AP5M1: variants seen among roughly 807,000 people sequenced by gnomAD.
AP5M1 encodes the protein AP-5 complex subunit mu-1.
A neutral mutation model predicts 52.3 loss-of-function variants in AP5M1; 44 were observed. The observed-to-expected ratio is 0.84, with a 90% CI of 0.66 to 1.08. The LOEUF (loss-of-function observed/expected upper bound fraction) is 1.08, where lower values mean the gene tolerates loss of function less well. AP5M1 is among the 50% of genes least tolerant of loss of function. The pLI is 0.00. For synonymous variants in AP5M1, 213 were observed against 199.0 expected (o/e 1.07, Z -0.59); for missense variants, 526 against 568.4 (o/e 0.93, Z 0.76).
At chr14:57,273,743 A>G (rs1313329749) in intron 1 of AP5M1, 2 of 702,026 alleles carry the variant, frequency 2.8e-6, no homozygotes, top group Non-Finnish European at 5.2e-6. Flanking sequence ...CCTGTCATTC[A>G]CTATAAGTTA....
chr14:57,272,477 A>G (rs1293889951), intron 1 of AP5M1, among the ~76,000 whole-genome samples: 1 of 152,222 alleles, frequency 6.6e-6, no homozygotes, highest in Non-Finnish European at 1.5e-5. Context: ...TTAGGTCGGT[A>G]TCATACCCCA....
rs1885405938 is a variant in AP5M1 at position 57,290,101 on chromosome 14, G to A, written c.*1217G>A. On this transcript the variant is annotated 3_prime_UTR_variant, in exon 8 of 8. Transcript: ENST00000261558. ...TATATCTTGGGTTCTGTTTTTTAATGAGTGTTCTAAGGAAAAGCTTAGAAA... is the reference window on the plus strand; with the variant it reads ...TATATCTTGGGTTCTGTTTTTTAATAAGTGTTCTAAGGAAAAGCTTAGAAA... The A allele has an allele frequency of 1.3e-5, 2 of 151,828 alleles. No individual in the cohort carries two copies. Among genetic ancestry groups the A allele is most frequent in the Admixed American group, 1.3e-4 (2 of 15,196 alleles). 9.4% of individuals were successfully genotyped at this position (151,828 alleles called of 1,614,324 possible). A position where few individuals can be genotyped will look rare whatever the true frequency, so the allele number is the denominator to read the frequency against.
chr14:57,283,622 T>A (rs1002031419), intron 6 of AP5M1, among the ~76,000 whole-genome samples: 5 of 152,258 alleles, frequency 3.3e-5, no homozygotes, highest in East Asian at 1.9e-4. Flanking sequence ...GTTTGTTTGT[T>A]TGTTTTTAAA....
intron 6 of AP5M1, among the ~76,000 whole-genome samples, chr14:57,285,635 G>A (rs949186501): frequency 6.6e-6 from 1 of 152,102 alleles, no homozygotes; most frequent in Non-Finnish European, 1.5e-5. Context: ...CACCCTTCTG[G>A]AAAATTAGCG....
chr14:57,269,492 G>C, intron 1 of AP5M1, 104 bp downstream of exon 1: 1 of 1,106,098 alleles, frequency 9.0e-7, no homozygotes. Flanking sequence ...ATAGCTGCGT[G>C]ACCTTGGGCT....
At position 57,294,403 on chromosome 14, in the gene AP5M1, C is replaced by T. The variant is rs1199701473; in HGVS notation, c.*5519C>T. 1 of 151,664 alleles carries T rather than the reference C, an allele frequency of 6.6e-6. No individual in the cohort carries two copies. The highest frequency in any genetic ancestry group is 1.5e-5 in the Non-Finnish European group (1 of 67,768). 9.4% of individuals were successfully genotyped at this position (151,664 alleles called of 1,614,324 possible). A position where few individuals can be genotyped will look rare whatever the true frequency, so the allele number is the denominator to read the frequency against. ...ATTAGTTATTCCTCTTAAATTTTTA[C>T]TTTTTCCTTCAAAGGACTTGGGTGC... is the stretch of plus-strand genomic sequence containing the variant. On this transcript the variant is annotated 3_prime_UTR_variant, in exon 8 of 8. Coordinates refer to ENST00000261558, the MANE Select transcript of AP5M1 (RefSeq NM_018229.4).
At chr14:57,278,744 G>A (rs1415406366) in intron 2 of AP5M1, 2 of 152,190 alleles carry the variant, frequency 1.3e-5, no homozygotes, top group Non-Finnish European at 1.5e-5. Flanking sequence ...AGGTGCATTT[G>A]GAGGTATAAG....
intron 2 of AP5M1, among the ~76,000 whole-genome samples, chr14:57,276,643 CAG>C (rs1005783124): frequency 4.6e-5 from 6 of 129,314 alleles, no homozygotes; most frequent in East Asian, 2.3e-4. Flanking sequence ...TAGCAATAAA[CAG>C]GGAATATGTT....
At chr14:57,272,083 T>C (rs1566512909) in intron 1 of AP5M1, among the ~76,000 whole-genome samples, 3 of 152,234 alleles carry the variant, frequency 2.0e-5, no homozygotes, top group African/African-American at 7.2e-5. Context: ...AGTAAATAAG[T>C]TTCTTAAATC....
chr14:57,281,327 T>C (rs546609629), intron 3 of AP5M1, among the ~76,000 whole-genome samples: 16 of 152,244 alleles, frequency 1.1e-4, no homozygotes, highest in Non-Finnish European at 8.8e-5. Flanking sequence ...CTATACCATT[T>C]ATCTCTTGTC....
chr14:57,295,503 A>G lies in AP5M1; in HGVS notation c.*6619A>G, dbSNP rs1192750819. The G allele has an allele frequency of 6.6e-6, 1 of 151,966 alleles. No individual in the cohort carries two copies. 9.4% of individuals were successfully genotyped at this position (151,966 alleles called of 1,614,324 possible). ...ACATTGTGTTTATTGAAGTGTTGAA[A>G]GAATATTTGTTGCATCTTCAAGCAA... On this transcript the variant is annotated 3_prime_UTR_variant, in exon 8 of 8. Coordinates refer to ENST00000261558, the MANE Select transcript of AP5M1 (RefSeq NM_018229.4).
chr14:57,288,956 T>C lies in AP5M1; in HGVS notation c.*72T>C. 1 of 885,390 alleles carries C rather than the reference T, an allele frequency of 1.1e-6. No individual in the cohort carries two copies. 54.8% of individuals were successfully genotyped at this position (885,390 alleles called of 1,614,324 possible). A position where few individuals can be genotyped will look rare whatever the true frequency, so the allele number is the denominator to read the frequency against. On this transcript the variant is annotated 3_prime_UTR_variant, in exon 8 of 8. Coordinates refer to ENST00000261558, the MANE Select transcript of AP5M1 (RefSeq NM_018229.4). ...AAATCATAATCTTATATTTTTAATG[T>C]GGATGCATATAACCTGTGAGTGAAA... is the stretch of plus-strand genomic sequence containing the variant.
intron 4 of AP5M1, 139 bp downstream of exon 4, chr14:57,282,367 A>T: frequency 1.7e-6 from 1 of 587,052 alleles, no homozygotes. Context: ...GCTGATTTTC[A>T]TGATATAGTC....
At chr14:57,274,969 A>G in intron 2 of AP5M1, 80 bp downstream of exon 2, 2 of 1,509,116 alleles carry the variant, frequency 1.3e-6, no homozygotes, top group Non-Finnish European at 1.8e-6. Context: ...TGTATTTTAA[A>G]TAACATTTTT....
chr14:57,278,584 T>C (rs978167454), intron 2 of AP5M1: 1 of 152,232 alleles, frequency 6.6e-6, no homozygotes, highest in Non-Finnish European at 1.5e-5. Context: ...GGGAAGAAGA[T>C]CCTGGGCTTC....
intron 1 of AP5M1, chr14:57,271,040 C>A (rs1444811921): frequency 6.6e-6 from 1 of 152,202 alleles, no homozygotes; most frequent in African/African-American, 2.4e-5. Flanking sequence ...AACTGAGGAA[C>A]TCAATTGTTA....
chr14:57,276,783 A>C (rs977675079), intron 2 of AP5M1, among the ~76,000 whole-genome samples: 1 of 152,184 alleles, frequency 6.6e-6, no homozygotes, highest in Non-Finnish European at 1.5e-5. Flanking sequence ...GATTATCATG[A>C]TGGACAACTT....
intron 4 of AP5M1, among the ~76,000 whole-genome samples, chr14:57,282,677 C>T (rs958311408): frequency 1.3e-5 from 2 of 152,082 alleles, no homozygotes; most frequent in African/African-American, 4.8e-5. Context: ...ACCCATGTGA[C>T]CGTATTAATA....
chr14:57,282,509 C>G (rs1048231508), intron 4 of AP5M1, among the ~76,000 whole-genome samples: 2 of 152,120 alleles, frequency 1.3e-5, no homozygotes, highest in Non-Finnish European at 2.9e-5. Flanking sequence ...AGCAATTTTT[C>G]CATATACAAG....
Sources: allele counts gnomAD v4.1 joint callset (sites outside exome capture counted in the v4.1 genomes callset), GRCh38; gene constraint gnomAD v4.1.1; transcripts MANE v1.5; gene names NCBI Gene and HGNC (gene_info 2026-07-23, HGNC 2026-07-21).